TACR1: variants seen among roughly 807,000 people sequenced by gnomAD.
TACR1 encodes tachykinin receptor 1.
In TACR1, 25 loss-of-function variants were observed where a neutral mutation model predicts 35.8. The observed-to-expected ratio is 0.70, with a 90% CI of 0.51 to 0.98. The LOEUF is 0.98. Among genes scored for constraint, TACR1 ranks in the 50% least tolerant of loss-of-function variants. The pLI is 0.00. For missense variants in TACR1, 478 were observed against 522.9 expected, an observed-to-expected ratio of 0.91 and a Z score of 0.84; for synonymous variants, 195 against 206.7, an observed-to-expected ratio of 0.94 and a Z score of 0.48.
intron 2 of TACR1, among the ~76,000 whole-genome samples, chr2:75,104,264 T>C (rs1673597542): frequency 6.6e-6 from 1 of 151,854 alleles, no homozygotes; most frequent in South Asian, 2.1e-4. Flanking sequence ...GATATACTTG[T>C]ATCAGACTTT....
chr2:75,090,701 C>A (rs1673291648), intron 2 of TACR1: 1 of 153,994 alleles, frequency 6.5e-6, no homozygotes, highest in Non-Finnish European at 1.5e-5. Context: ...TGCTCTCTTA[C>A]ACCTTTTGAG....
intron 2 of TACR1, among the ~76,000 whole-genome samples, chr2:75,075,587 A>G (rs1672961370): frequency 6.6e-6 from 1 of 152,230 alleles, no homozygotes; most frequent in South Asian, 2.1e-4. Context: ...AAAATATATG[A>G]TAACTATTTT....
chr2:75,143,294 A>G (rs992255838), intron 1 of TACR1, among the ~76,000 whole-genome samples: 13 of 152,198 alleles, frequency 8.5e-5, no homozygotes, highest in African/African-American at 3.1e-4. Context: ...ATTTCAAAAC[A>G]TTTTTGACCA....
intron 2 of TACR1, among the ~76,000 whole-genome samples, chr2:75,077,464 T>C (rs1350375051): frequency 6.6e-6 from 1 of 152,206 alleles, no homozygotes; most frequent in Non-Finnish European, 1.5e-5. Context: ...AGGTAGACTC[T>C]TCCAGAAGAA....
chr2:75,049,398 C>A lies in TACR1; in HGVS notation c.*34G>T. ...TGCATGAAGGGAGGCAGGTCAAAGG[C>A]AGTGGGGGCTGCACCTGCCAAAGGC... On this transcript the variant is annotated 3_prime_UTR_variant, in exon 5 of 5. Coordinates refer to ENST00000305249, the MANE Select transcript of TACR1 (RefSeq NM_001058.4). 6.3e-7 allele frequency: 1 copy of A among 1,587,850 alleles called. No individual in the cohort carries two copies. The highest frequency in any genetic ancestry group is 8.6e-7 in the Non-Finnish European group (1 of 1,162,924).
intron 1 of TACR1, among the ~76,000 whole-genome samples, chr2:75,180,156 C>G (rs372718256): frequency 2.0e-5 from 3 of 152,156 alleles, no homozygotes; most frequent in Non-Finnish European, 2.9e-5. Context: ...TGTAATCTCC[C>G]TGTTTTAAAT....
intron 2 of TACR1, among the ~76,000 whole-genome samples, chr2:75,112,958 G>A (rs1214423569): frequency 6.6e-6 from 1 of 152,104 alleles, no homozygotes; most frequent in Admixed American, 6.5e-5. Context: ...TGGTCTGAAG[G>A]TTTGTTTTTG....
intron 1 of TACR1, among the ~76,000 whole-genome samples, chr2:75,147,473 T>C (rs1028954001): frequency 6.6e-6 from 1 of 152,206 alleles, no homozygotes; most frequent in Non-Finnish European, 1.5e-5. Flanking sequence ...GGTTCATATA[T>C]GCGTGCCATG....
intron 3 of TACR1, among the ~76,000 whole-genome samples, chr2:75,053,069 G>T (rs6747372): frequency 0.041 from 6,233 of 152,022 alleles, 160 homozygotes; most frequent in Non-Finnish European, 0.058. Flanking sequence ...TTGGTGTATA[G>T]ATTTATGAAA....
chr2:75,071,485 A>G (rs1046403366), intron 2 of TACR1, among the ~76,000 whole-genome samples: 2 of 152,116 alleles, frequency 1.3e-5, no homozygotes, highest in African/African-American at 4.8e-5. Context: ...ATCGACTTAC[A>G]TTTTCATTAA....
intron 2 of TACR1, among the ~76,000 whole-genome samples, chr2:75,072,487 C>G (rs1037351480): frequency 2.6e-5 from 4 of 152,214 alleles, no homozygotes. Flanking sequence ...TGGGGATCGT[C>G]CATGAGAGCA....
chr2:75,197,255 G>A (rs1676015360), intron 1 of TACR1, among the ~76,000 whole-genome samples: 1 of 152,188 alleles, frequency 6.6e-6, no homozygotes, highest in Non-Finnish European at 1.5e-5. Context: ...CACTGCAAAG[G>A]ATGGAAATGA....
chr2:75,145,478 A>G (rs919314483), intron 1 of TACR1, among the ~76,000 whole-genome samples: 4 of 152,196 alleles, frequency 2.6e-5, no homozygotes, highest in African/African-American at 9.6e-5. Context: ...TAAAAAACCA[A>G]AGAAAATCAA....
At chr2:75,093,779 G>A (rs1673355658) in intron 2 of TACR1, among the ~76,000 whole-genome samples, 1 of 152,006 alleles carries the variant, frequency 6.6e-6, no homozygotes, top group South Asian at 2.1e-4. Flanking sequence ...ATGCTGTTAG[G>A]CATTTTAAAC....
chr2:75,105,314 T>C (rs1438025239), intron 2 of TACR1, among the ~76,000 whole-genome samples: 1 of 152,002 alleles, frequency 6.6e-6, no homozygotes, highest in African/African-American at 2.4e-5. Context: ...CTCATTGACA[T>C]GTGGACTCTA....
chr2:75,100,586 A>T (rs1041296116), intron 2 of TACR1, among the ~76,000 whole-genome samples: 3 of 152,192 alleles, frequency 2.0e-5, no homozygotes, highest in African/African-American at 7.2e-5. Context: ...TTATTGCAGC[A>T]CTAACTACTG....
intron 1 of TACR1, among the ~76,000 whole-genome samples, chr2:75,197,396 A>G (rs908320354): frequency 2.0e-5 from 3 of 152,336 alleles, no homozygotes; most frequent in Middle Eastern, 3.4e-3. Context: ...GTTTTCTCCT[A>G]GCTCCTTCTT....
chr2:75,085,067 T>C (rs926108914), intron 2 of TACR1, among the ~76,000 whole-genome samples: 1 of 152,198 alleles, frequency 6.6e-6, no homozygotes, highest in South Asian at 2.1e-4. Flanking sequence ...GGGCATTTAG[T>C]GCTATAAATT....
intron 1 of TACR1, among the ~76,000 whole-genome samples, chr2:75,157,542 G>A (rs907860411): frequency 6.6e-6 from 1 of 152,202 alleles, no homozygotes; most frequent in African/African-American, 2.4e-5. Context: ...TCAAAGAAGG[G>A]GCAGGTAAGT....
Sources: allele counts gnomAD v4.1 joint callset (sites outside exome capture counted in the v4.1 genomes callset), GRCh38; gene constraint gnomAD v4.1.1; transcripts MANE v1.5; gene names NCBI Gene and HGNC (gene_info 2026-07-23, HGNC 2026-07-21).